SSPN: variants seen among roughly 807,000 people sequenced by gnomAD.
SSPN encodes the protein K-ras oncogene-associated protein.
SSPN carries 15 observed loss-of-function variants against 19.1 expected under a neutral mutation model. The observed-to-expected ratio is 0.78, with a 90% CI of 0.52 to 1.21. SSPN has a LOEUF of 1.21. SSPN is among the 50% of genes most tolerant of loss of function. The probability of loss-of-function intolerance (pLI) is 0.00; values close to 1 mark genes in which losing one functional copy is unlikely to be tolerated. For missense variants in SSPN, 291 were observed against 314.0 expected (o/e 0.93, Z 0.55); for synonymous variants, 147 against 140.3 (o/e 1.05, Z -0.34).
At position 26,133,681 on chromosome 12, in the gene SSPN, G is replaced by A. The variant is rs150673520; in HGVS notation, c.-31+11529G>A. On this transcript the variant is annotated intron_variant, in intron 1 of 2. Coordinates refer to the SSPN transcript ENST00000538142. ...CCTGCCATGTGGAAGAGGCTGACTT[G>A]CAGGAGCTTGTCCAGAAGCTACTGT... Among the ~76,000 whole-genome samples the A allele has an allele frequency of 1.0e-3, 159 of 152,338 alleles. 2 individuals are homozygous for A. Among genetic ancestry groups the A allele is most frequent in the African/African-American group, 3.8e-3 (156 of 41,584 alleles).
chr12:26,206,834 A>G (rs1294126897), intron 1 of SSPN, among the ~76,000 whole-genome samples: 1 of 152,228 alleles, frequency 6.6e-6, no homozygotes, highest in Non-Finnish European at 1.5e-5. Flanking sequence ...AAGAATAAGT[A>G]TTTATAGAAC....
At chr12:26,213,099 G>A (rs1945008752) in intron 1 of SSPN, among the ~76,000 whole-genome samples, 1 of 150,156 alleles carries the variant, frequency 6.7e-6, no homozygotes, top group South Asian at 2.2e-4. Context: ...GATCTCATAT[G>A]GCCAGAAAAA....
In SSPN at chr12:26,207,396, A is replaced by G. The variant is rs1944940389; in HGVS notation, c.279+11445A>G. 3.9e-5 allele frequency among the ~76,000 whole-genome samples: 6 copies of G among 152,110 alleles called. No individual in the cohort carries two copies. In the South Asian group the frequency reaches 1.2e-3, roughly 32 times the overall value. On this transcript the variant is annotated intron_variant, in intron 1 of 2. Transcript: ENST00000242729. ...AGTATTTTGTAATAATTGCTTTTTT[A>G]TTATTTTTTAAGAAAGGAAACATTA... is the stretch of plus-strand genomic sequence containing the variant.
chr12:26,131,171 T>G (rs1003341974), intron 1 of SSPN, among the ~76,000 whole-genome samples: 14 of 152,204 alleles, frequency 9.2e-5, no homozygotes, highest in Non-Finnish European at 1.9e-4. Flanking sequence ...TGTATTAGGG[T>G]ATTTAATTCC....
rs188483463 is a variant in SSPN, at chr12:26,157,125, C to T, written c.-31+34973C>T. Among the ~76,000 whole-genome samples the T allele has an allele frequency of 8.5e-5, 13 of 152,320 alleles. 1 individual carries two copies. Among genetic ancestry groups the T allele is most frequent in the African/African-American group, 3.1e-4 (13 of 41,564 alleles). On this transcript the variant is annotated intron_variant, in intron 1 of 2. Coordinates refer to the SSPN transcript ENST00000538142. ...ACAACTCTGGTCTCCAGATGAATGG[C>T]ATTCAGCTCCGTCTTGTTAGTGCTG...
At chr12:26,191,596 A>G (rs1446726284), upstream of SSPN, among the ~76,000 whole-genome samples, 1 of 152,208 alleles carries the variant, frequency 6.6e-6, no homozygotes, top group Non-Finnish European at 1.5e-5. Context: ...CTGAGAAAAA[A>G]ATTAAGCCCA....
At chr12:26,190,558 A>G (rs1223678230), upstream of SSPN, among the ~76,000 whole-genome samples, 1 of 152,210 alleles carries the variant, frequency 6.6e-6, no homozygotes, top group Non-Finnish European at 1.5e-5. Flanking sequence ...TGACCCACAG[A>G]AACCATGAAA....
At chr12:26,208,021 G>GGT (rs1555180112) in intron 1 of SSPN, among the ~76,000 whole-genome samples, 1 of 95,064 alleles carries the variant, frequency 1.1e-5, no homozygotes, top group Non-Finnish European at 2.4e-5. Context: ...GTGGTGGTGG[G>GGT]GGGGGGGGAT....
chr12:26,232,665 A>G lies in SSPN; in HGVS notation c.*1589A>G. The G allele has an allele frequency of 7.1e-6, 7 of 985,254 alleles. No individual in the cohort carries two copies. The highest frequency in any genetic ancestry group is 8.4e-6 in the Non-Finnish European group (7 of 829,778). The allele number at this position is 985,254 out of a possible 1,614,324, so 61.0% of individuals were successfully genotyped here. A position where few individuals can be genotyped will look rare whatever the true frequency, so the allele number is the denominator to read the frequency against. On this transcript the variant is annotated 3_prime_UTR_variant, in exon 3 of 3. Transcript: ENST00000242729. ...CAATTTCTACACAATATAAATATCC[A>G]GTATAAAGGAAAGCGTTAAGTCGGT... is the stretch of plus-strand genomic sequence containing the variant.
chr12:26,226,914 G>T (rs1945182364), intron 2 of SSPN, among the ~76,000 whole-genome samples: 1 of 152,096 alleles, frequency 6.6e-6, no homozygotes, highest in Admixed American at 6.5e-5. Context: ...CGTGAAAGCT[G>T]CAGGCCGGGT....
intron 1 of SSPN, among the ~76,000 whole-genome samples, chr12:26,160,551 A>G (rs1944581439): frequency 6.6e-6 from 1 of 152,260 alleles, no homozygotes; most frequent in Non-Finnish European, 1.5e-5. Flanking sequence ...TGCAAGCAGC[A>G]ATATTCAATA....
intron 1 of SSPN, among the ~76,000 whole-genome samples, chr12:26,184,867 G>A (rs1369079566): frequency 1.3e-5 from 2 of 151,998 alleles, no homozygotes; most frequent in Non-Finnish European, 2.9e-5. Context: ...CAAAAATAGG[G>A]AGAAAAGGAA....
intron 1 of SSPN, chr12:26,126,631 A>G (rs1944367308): frequency 6.6e-6 from 1 of 151,752 alleles, no homozygotes; most frequent in Non-Finnish European, 1.5e-5. Context: ...CCCCGACTCC[A>G]GGAGCAGCCC....
chr12:26,192,179 C>T (rs1944793284), upstream of SSPN, among the ~76,000 whole-genome samples: 1 of 152,130 alleles, frequency 6.6e-6, no homozygotes, highest in African/African-American at 2.4e-5. Flanking sequence ...CCAAGAGGAT[C>T]AAAATAATCT....
intron 1 of SSPN, among the ~76,000 whole-genome samples, chr12:26,202,582 A>G (rs1009766): frequency 0.1 from 15,874 of 152,226 alleles, 888 homozygotes; most frequent in East Asian, 0.18. Flanking sequence ...ACAATGGCAT[A>G]GGTTTCTCTA....
chr12:26,184,011 C>T (rs551167149), intron 1 of SSPN, among the ~76,000 whole-genome samples: 78 of 152,316 alleles, frequency 5.1e-4, no homozygotes, highest in Non-Finnish European at 8.7e-4. Context: ...TTTGGTTCTG[C>T]GTGGACACCT....
chr12:26,151,011 T>C (rs1944522072), intron 1 of SSPN, among the ~76,000 whole-genome samples: 1 of 152,306 alleles, frequency 6.6e-6, no homozygotes, highest in East Asian at 1.9e-4. Flanking sequence ...ATTTCCAGAA[T>C]TTTTTGAGAT....
intron 1 of SSPN, among the ~76,000 whole-genome samples, chr12:26,170,416 C>T (rs912250588): frequency 2.0e-5 from 3 of 152,120 alleles, no homozygotes; most frequent in African/African-American, 4.8e-5. Flanking sequence ...GTCCTAAGCC[C>T]TTAATAGAAC....
At chr12:26,129,422 C>G (rs565862015) in intron 1 of SSPN, among the ~76,000 whole-genome samples, 55 of 152,150 alleles carry the variant, frequency 3.6e-4, no homozygotes, top group Non-Finnish European at 5.9e-4. Flanking sequence ...CACCTACTCT[C>G]AAGGGAGAAG....
Sources: allele counts gnomAD v4.1 joint callset (sites outside exome capture counted in the v4.1 genomes callset), GRCh38; gene constraint gnomAD v4.1.1; transcripts MANE v1.5; gene names NCBI Gene and HGNC (gene_info 2026-07-23, HGNC 2026-07-21).